The following GCM1 variants were observed in gnomAD, a reference collection of about 807,000 sequenced individuals.
GCM1 encodes GCM transcription factor 1, also known as chorion-specific transcription factor GCMa.
A neutral mutation model predicts 25.7 loss-of-function variants in GCM1; 2 were observed. That is an observed-to-expected ratio of 0.08 (90% CI 0.03 to 0.24). The LOEUF (loss-of-function observed/expected upper bound fraction) is 0.24, where lower values mean the gene tolerates loss of function less well. GCM1 is among the 10% of genes least tolerant of loss of function. The probability of loss-of-function intolerance (pLI) is 1.00; values close to 1 mark genes in which losing one functional copy is unlikely to be tolerated. For synonymous variants in GCM1, 183 were observed against 195.7 expected (o/e 0.94, Z 0.54); for missense variants, 395 against 538.7 (o/e 0.73, Z 2.64).
intron 2 of GCM1, among the ~76,000 whole-genome samples, chr6:53,143,447 G>A (rs936304453): frequency 6.6e-6 from 1 of 152,026 alleles, no homozygotes; most frequent in African/African-American, 2.4e-5. Context: ...CCATTTCATG[G>A]GGTTCTCAAA....
Position 53,128,307 on chromosome 6 carries a change from G to T in GCM1, c.1210C>A (p.Pro404Thr). The T allele has an allele frequency of 6.2e-7, 1 of 1,613,908 alleles. No homozygotes were observed. The highest frequency in any genetic ancestry group is 1.7e-5 in the Admixed American group (1 of 60,000). ...AAATCCCATTTGCTGCTCTTGCTTG[G>T]CAGTGAATATTGCTGATGAGGATGA... is the stretch of plus-strand genomic sequence containing the variant. Reference protein sequence around the residue: ...ASHPHQQYSLPSKSSKWDFEE... With the variant: ...ASHPHQQYSLTSKSSKWDFEE... Residue 404 changes from proline (P) to threonine (T), a missense_variant, in exon 6 of 6, where the codon CCA (proline) becomes ACA (threonine). Coordinates refer to ENST00000259803, the MANE Select transcript of GCM1 (RefSeq NM_003643.4).
At chr6:53,129,014 A>G in intron 5 of GCM1, 68 bp from the exon 6 acceptor site, 3 of 1,247,664 alleles carry the variant, frequency 2.4e-6, no homozygotes, top group Middle Eastern at 2.6e-4. Context: ...ATAGGCACCC[A>G]TGAGTTACTC....
intron 2 of GCM1, among the ~76,000 whole-genome samples, chr6:53,144,224 C>T (rs574569224): frequency 2.6e-4 from 39 of 152,176 alleles, no homozygotes; most frequent in South Asian, 2.3e-3. Flanking sequence ...TAGTTTGAGA[C>T]CAACTTGGGC....
intron 2 of GCM1, among the ~76,000 whole-genome samples, chr6:53,138,837 C>CGAT (rs1763835538): frequency 6.6e-6 from 1 of 152,156 alleles, no homozygotes; most frequent in African/African-American, 2.4e-5. Context: ...AATCCTCTAA[C>CGAT]TCAATCAAAA....
Position 53,130,949 on chromosome 6 carries a change from AG to A in GCM1, c.442-19del. ...CCCTTTGACTTAAATGAGACAAGGA[AG>A]TAGAAAGGAAATGATATAACACTAA... On this transcript the variant is annotated intron_variant, in intron 4 of 5. Transcript: ENST00000259803. 6.2e-7 allele frequency: 1 copy of A among 1,608,766 alleles called. No individual in the cohort carries two copies. The highest frequency in any genetic ancestry group is 8.5e-7 in the Non-Finnish European group (1 of 1,175,398).
chr6:53,146,057 A>G (rs1363093125), intron 1 of GCM1, among the ~76,000 whole-genome samples: 1 of 151,990 alleles, frequency 6.6e-6, no homozygotes, highest in East Asian at 1.9e-4. Context: ...AATGGCTAGG[A>G]CTTTTCCTGC....
intron 2 of GCM1, among the ~76,000 whole-genome samples, chr6:53,135,478 G>A (rs1763785131): frequency 6.6e-6 from 1 of 152,192 alleles, no homozygotes; most frequent in Admixed American, 6.5e-5. Flanking sequence ...ACTTAGCACA[G>A]CACCTAGCAT....
intron 2 of GCM1, among the ~76,000 whole-genome samples, chr6:53,138,861 A>G (rs979043400): frequency 5.3e-5 from 8 of 152,280 alleles, no homozygotes; most frequent in African/African-American, 1.9e-4. Flanking sequence ...TTGTAGCTCT[A>G]TGCACTTCTA....
intron 1 of GCM1, among the ~76,000 whole-genome samples, chr6:53,147,770 C>T (rs1306381567): frequency 6.6e-6 from 1 of 152,142 alleles, no homozygotes; most frequent in African/African-American, 2.4e-5. Context: ...TAATACTTGT[C>T]AATCACTGAA....
intron 3 of GCM1, among the ~76,000 whole-genome samples, chr6:53,132,564 T>A (rs1403643525): frequency 6.6e-6 from 1 of 152,058 alleles, no homozygotes; most frequent in African/African-American, 2.4e-5. Context: ...ATACAAAAAT[T>A]AGCTGGGCGT....
rs1763702269 is a variant in GCM1, at chr6:53,130,019, G to A, written c.570+784C>T. Among the ~76,000 whole-genome samples, 3 of 152,298 alleles carry A rather than the reference G, an allele frequency of 2.0e-5. No individual in the cohort carries two copies. In the South Asian group the frequency reaches 6.2e-4, roughly 32 times the overall value. On this transcript the variant is annotated intron_variant, in intron 5 of 5. Coordinates refer to ENST00000259803, the MANE Select transcript of GCM1 (RefSeq NM_003643.4). ...GACCAGGTAGATTGGATGAGAGACT[G>A]AAATGCCACTTGACTTGTCCCATGG... is the stretch of plus-strand genomic sequence containing the variant.
rs1236210293 is a variant in GCM1 at position 53,134,256 on chromosome 6, C to T, written c.144G>A (p.Glu48=). Residue 48 remains glutamate (E), a synonymous_variant, in exon 3 of 6, where the codon GAG becomes GAA. Transcript: ENST00000259803. The part of the protein sequence containing the change: ...DSYAKHIYSS[E]DKNAQRHLSS... ...TCAGGTGCCGCTGCGCATTCTTGTC[C>T]TCCGAGCTGTAGATGTGTTTGGCAT... is the stretch of plus-strand genomic sequence containing the variant. The T allele has an allele frequency of 2.5e-6, 4 of 1,614,064 alleles. No individual in the cohort carries two copies. The highest frequency in any genetic ancestry group is 3.4e-6 in the Non-Finnish European group (4 of 1,180,044).
At chr6:53,142,203 G>T (rs144447156) in intron 2 of GCM1, among the ~76,000 whole-genome samples, 1 of 151,984 alleles carries the variant, frequency 6.6e-6, no homozygotes, top group Non-Finnish European at 1.5e-5. Flanking sequence ...AAATGATCTA[G>T]ATCGATGGGA....
At chr6:53,136,113 G>C (rs1156450128) in intron 2 of GCM1, among the ~76,000 whole-genome samples, 2 of 152,246 alleles carry the variant, frequency 1.3e-5, no homozygotes, top group Non-Finnish European at 2.9e-5. Flanking sequence ...GGTACATGCA[G>C]GGTAGTACTG....
chr6:53,134,653 G>C (rs148108538), intron 2 of GCM1, among the ~76,000 whole-genome samples: 84 of 152,326 alleles, frequency 5.5e-4, no homozygotes, highest in African/African-American at 1.9e-3. Context: ...GTTAAGTAAT[G>C]CTATGCTCTT....
intron 2 of GCM1, among the ~76,000 whole-genome samples, chr6:53,141,059 G>A (rs1763864815): frequency 6.6e-6 from 1 of 151,946 alleles, no homozygotes; most frequent in Admixed American, 6.6e-5. Flanking sequence ...TGCTCCCCAT[G>A]CCAGAGTCAT....
chr6:53,132,450 C>A (rs534747269), intron 3 of GCM1, among the ~76,000 whole-genome samples: 2 of 152,348 alleles, frequency 1.3e-5, no homozygotes, highest in South Asian at 4.1e-4. Context: ...GTGGCTCACA[C>A]CCATAATCCC....
At chr6:53,136,816 A>G (rs1763805924) in intron 2 of GCM1, among the ~76,000 whole-genome samples, 1 of 152,098 alleles carries the variant, frequency 6.6e-6, no homozygotes, top group Non-Finnish European at 1.5e-5. Flanking sequence ...CTCTACTAAA[A>G]ATACAAAAAA....
Position 53,132,064 on chromosome 6 carries a change from A to G in GCM1, c.384T>C (p.His128=). Residue 128 remains histidine (H), a synonymous_variant, in exon 4 of 6, where the codon CAT becomes CAC. Coordinates refer to ENST00000259803, the MANE Select transcript of GCM1 (RefSeq NM_003643.4). ...AGAAGTTGGTGACCGGGAAGCCCCC[A>G]TGACCTCGGCAAGGGATGAGCTTCA... ...GPLKLIPCRG[H]GGFPVTNFWR... 6.2e-7 allele frequency: 1 copy of G among 1,613,594 alleles called. No individual in the cohort carries two copies. The highest frequency in any genetic ancestry group is 1.3e-5 in the African/African-American group (1 of 75,030).
Sources: gnomAD v4.1 joint callset for allele counts (sites outside exome capture counted in the v4.1 genomes callset) on GRCh38, gnomAD v4.1.1 for gene constraint, MANE v1.5 for transcripts, NCBI Gene and HGNC (gene_info 2026-07-23, HGNC 2026-07-21) for gene names.